Variants in ZZZ3 observed in about 807,000 individuals in gnomAD.
The protein encoded by ZZZ3 is ZZ-type zinc finger-containing protein 3.
Under a neutral mutation model 95.2 loss-of-function variants are expected in ZZZ3, and 22 were observed. The observed-to-expected ratio is 0.23, with a 90% confidence interval of 0.17 to 0.33. The LOEUF is 0.33. Among genes scored for constraint, ZZZ3 ranks in the 10% least tolerant of loss-of-function variants. The pLI, the probability that ZZZ3 is intolerant of heterozygous loss-of-function variation, is 1.00. For missense variants in ZZZ3, 885 were observed against 1,066.5 expected (o/e 0.83, Z 2.37); for synonymous variants, 335 against 358.9 (o/e 0.93, Z 0.75).
At chr1:77,626,128 G>C (rs957817585) in intron 5 of ZZZ3, among the ~76,000 whole-genome samples, 2 of 152,086 alleles carry the variant, frequency 1.3e-5, no homozygotes, top group African/African-American at 2.4e-5. Flanking sequence ...AAAGGAAAAA[G>C]CAAAAAATTC....
chr1:77,653,538 G>A (rs1292441309), intron 1 of ZZZ3, among the ~76,000 whole-genome samples: 2 of 152,090 alleles, frequency 1.3e-5, no homozygotes, highest in East Asian at 3.9e-4. Context: ...TGGATCACCT[G>A]AGGTCGGGAG....
intron 4 of ZZZ3, among the ~76,000 whole-genome samples, chr1:77,638,772 G>T (rs1433393414): frequency 6.6e-6 from 1 of 152,212 alleles, no homozygotes; most frequent in African/African-American, 2.4e-5. Context: ...ACTGGAAAGT[G>T]TAACCAATAT....
chr1:77,671,538 A>G (rs1671786497), intron 1 of ZZZ3, among the ~76,000 whole-genome samples: 1 of 152,168 alleles, frequency 6.6e-6, no homozygotes, highest in South Asian at 2.1e-4. Context: ...TTCAAATCCC[A>G]AACCCTCCAT....
At chr1:77,605,088 C>T (rs977768571) in intron 5 of ZZZ3, among the ~76,000 whole-genome samples, 24 of 152,292 alleles carry the variant, frequency 1.6e-4, no homozygotes, top group African/African-American at 5.3e-4. Context: ...ATCAGGTGAA[C>T]ACTCACAGTA....
At chr1:77,567,916 T>C (rs563976426) in intron 13 of ZZZ3, among the ~76,000 whole-genome samples, 16 of 152,336 alleles carry the variant, frequency 1.1e-4, no homozygotes, top group African/African-American at 3.1e-4. Context: ...TTCACTCTAC[T>C]AAATAATAAA....
At chr1:77,594,653 T>C (rs1157534030) in intron 5 of ZZZ3, among the ~76,000 whole-genome samples, 2 of 151,984 alleles carry the variant, frequency 1.3e-5, no homozygotes, top group African/African-American at 2.4e-5. Context: ...TCTTTAAGTA[T>C]GCTAAAGGAA....
intron 1 of ZZZ3, among the ~76,000 whole-genome samples, chr1:77,658,065 G>A (rs1670432691): frequency 6.6e-6 from 1 of 151,378 alleles, no homozygotes; most frequent in South Asian, 2.1e-4. Flanking sequence ...TGTAATCCCA[G>A]CTACTAGGGA....
At chr1:77,615,110 G>A (rs1370663430) in intron 5 of ZZZ3, among the ~76,000 whole-genome samples, 2 of 152,216 alleles carry the variant, frequency 1.3e-5, no homozygotes, top group Non-Finnish European at 2.9e-5. Context: ...TACAATTGAT[G>A]ATCAATAGAC....
In ZZZ3 at chr1:77,562,849, C is replaced by G. The variant is rs533995233; in HGVS notation, c.*2791G>C. The G allele has an allele frequency of 6.6e-6, 1 of 152,656 alleles. No individual in the cohort carries two copies. The highest frequency in any genetic ancestry group is 2.1e-4 in the South Asian group (1 of 4,824). 9.5% of individuals were successfully genotyped at this position (152,656 alleles called of 1,614,324 possible). On this transcript the variant is annotated 3_prime_UTR_variant, in exon 15 of 15. Coordinates refer to ENST00000370801, the MANE Select transcript of ZZZ3 (RefSeq NM_015534.6). ...CCTGACACAAGGGGAAATTCCTGCT[C>G]AGGAAACAGGATAGTAAGGCAGACG...
At chr1:77,675,304 C>A (rs1019467972) in intron 1 of ZZZ3, among the ~76,000 whole-genome samples, 5 of 151,940 alleles carry the variant, frequency 3.3e-5, no homozygotes, top group African/African-American at 1.2e-4. Flanking sequence ...GTAACAACGG[C>A]AGGATCTATT....
intron 5 of ZZZ3, among the ~76,000 whole-genome samples, chr1:77,587,466 A>G (rs546119682): frequency 6.6e-6 from 1 of 151,828 alleles, no homozygotes. Context: ...GGGTTTCACC[A>G]TGTTAGCCAG....
At chr1:77,648,348 CA>C (rs774444208) in intron 1 of ZZZ3, among the ~76,000 whole-genome samples, 1,015 of 52,956 alleles carry the variant, frequency 0.019, 8 homozygotes, top group African/African-American at 0.042. Flanking sequence ...AATCTTGCCT[CA>C]AAAAAAAAAA....
chr1:77,632,593 A>G lies in ZZZ3; in HGVS notation c.762T>C (p.Asp254=), dbSNP rs1183031877. The G allele has an allele frequency of 1.2e-6, 2 of 1,614,060 alleles. No individual in the cohort carries two copies. The highest frequency in any genetic ancestry group is 1.7e-6 in the Non-Finnish European group (2 of 1,180,022). ...DTDTQTSMFL[D]SRKEDSYIDH... Reference sequence around the variant, plus strand: ...CTATATAACTGTCCTCCTTCCTACTATCAAGGAACATTGAAGTTTGGGTAT... The same window carrying G: ...CTATATAACTGTCCTCCTTCCTACTGTCAAGGAACATTGAAGTTTGGGTAT... Residue 254 remains aspartate, a synonymous_variant, in exon 5 of 15, where the codon GAT becomes GAC. Coordinates refer to ENST00000370801, the MANE Select transcript of ZZZ3 (RefSeq NM_015534.6).
intron 5 of ZZZ3, 63 bp downstream of exon 5, chr1:77,631,777 CTACGAATAGA>C (rs1481519805): frequency 2.8e-5 from 35 of 1,256,606 alleles, no homozygotes; most frequent in Non-Finnish European, 6.6e-6. Flanking sequence ...AATAAAAACA[CTACGAATAGA>C]TACTGAAAAA....
intron 5 of ZZZ3, among the ~76,000 whole-genome samples, chr1:77,608,418 A>G (rs1665462901): frequency 6.6e-6 from 1 of 152,242 alleles, no homozygotes. Flanking sequence ...AATATGCTTT[A>G]AACATGAAGG....
chr1:77,676,286 C>A (rs1672261706), intron 1 of ZZZ3, among the ~76,000 whole-genome samples: 1 of 152,152 alleles, frequency 6.6e-6, no homozygotes, highest in South Asian at 2.1e-4. Flanking sequence ...TCCACCTCAT[C>A]CTCCACAGTA....
intron 5 of ZZZ3, among the ~76,000 whole-genome samples, chr1:77,605,012 C>T (rs1057251464): frequency 6.6e-6 from 1 of 152,058 alleles, no homozygotes; most frequent in African/African-American, 2.4e-5. Flanking sequence ...GATGGTCCCC[C>T]CAAAAAGGAA....
chr1:77,600,869 TAC>T (rs1664662608), intron 5 of ZZZ3, among the ~76,000 whole-genome samples: 1 of 152,150 alleles, frequency 6.6e-6, no homozygotes, highest in Non-Finnish European at 1.5e-5. Context: ...AGGAATCAAT[TAC>T]ACAGTGCTCT....
chr1:77,667,760 A>G (rs950465753), intron 1 of ZZZ3, among the ~76,000 whole-genome samples: 2 of 136,982 alleles, frequency 1.5e-5, no homozygotes, highest in African/African-American at 5.6e-5. Flanking sequence ...TTAAATGGGT[A>G]TTCTTTTTTT....
Sources: allele counts gnomAD v4.1 joint callset (sites outside exome capture counted in the v4.1 genomes callset), GRCh38; gene constraint gnomAD v4.1.1; transcripts MANE v1.5; gene names NCBI Gene and HGNC (gene_info 2026-07-23, HGNC 2026-07-21).